The following RNLS variants were observed in gnomAD, a reference collection of about 807,000 sequenced individuals.
The protein encoded by RNLS is renalase.
A neutral mutation model predicts 39.8 loss-of-function variants in RNLS; 39 were observed. The ratio of observed to expected loss-of-function variants is 0.98; its 90% CI spans 0.76 to 1.28. The LOEUF is 1.28. RNLS is among the 50% of genes most tolerant of loss of function. The pLI is 0.00. For missense variants in RNLS, 410 were observed against 413.3 expected, an observed-to-expected ratio of 0.99 and a Z score of 0.07; for synonymous variants, 147 against 150.7, an observed-to-expected ratio of 0.98 and a Z score of 0.18.
chr10:88,215,641 A>G, the RNLS span, among the ~76,000 whole-genome samples: 2 of 149,662 alleles, frequency 1.3e-5, no homozygotes, highest in Admixed American at 1.3e-4. Flanking sequence ...TGCTCCTCAC[A>G]TTTAGACCAT....
At chr10:88,579,983 G>A (rs1850440183) in intron 3 of RNLS, among the ~76,000 whole-genome samples, 1 of 152,174 alleles carries the variant, frequency 6.6e-6, no homozygotes, top group Non-Finnish European at 1.5e-5. Context: ...AATTCTTCCT[G>A]CCTGAAAGCC....
intron 4 of RNLS, among the ~76,000 whole-genome samples, chr10:88,407,452 A>T (rs930929472): frequency 6.6e-6 from 1 of 152,010 alleles, no homozygotes; most frequent in African/African-American, 2.4e-5. Context: ...TTGATGTGAG[A>T]GGAGAAATTT....
chr10:88,363,177 T>C (rs1202559888), intron 4 of RNLS, among the ~76,000 whole-genome samples: 2 of 151,948 alleles, frequency 1.3e-5, no homozygotes, highest in East Asian at 3.9e-4. Flanking sequence ...TGATGCTCCA[T>C]CTGTTATGAC....
At chr10:88,280,775 G>A (rs1207892556), downstream of RNLS, among the ~76,000 whole-genome samples, 1 of 152,158 alleles carries the variant, frequency 6.6e-6, no homozygotes, top group Non-Finnish European at 1.5e-5. Flanking sequence ...CATATGCATA[G>A]TTGTCTTTGT....
chr10:88,418,159 A>T (rs1854154451), intron 4 of RNLS, among the ~76,000 whole-genome samples: 1 of 151,288 alleles, frequency 6.6e-6, no homozygotes, highest in South Asian at 2.1e-4. Context: ...GAAGCTAAAG[A>T]TTCAACAGAA....
chr10:88,358,590 G>A (rs994256907), intron 5 of RNLS, among the ~76,000 whole-genome samples: 2 of 152,154 alleles, frequency 1.3e-5, no homozygotes, highest in Admixed American at 6.5e-5. Context: ...TTTTCAAAGA[G>A]CAACTCAAGG....
At chr10:88,262,166 T>C in the RNLS span, among the ~76,000 whole-genome samples, 2 of 152,128 alleles carry the variant, frequency 1.3e-5, no homozygotes, top group African/African-American at 2.4e-5. Context: ...ACGCCTTGTA[T>C]ATCTATCTAT....
intron 4 of RNLS, among the ~76,000 whole-genome samples, chr10:88,447,679 A>C (rs1025459868): frequency 6.6e-6 from 1 of 152,224 alleles, no homozygotes; most frequent in Non-Finnish European, 1.5e-5. Context: ...ATATGGAACC[A>C]AAAAAGAGCC....
chr10:88,370,978 G>A (rs1307070812), intron 4 of RNLS, among the ~76,000 whole-genome samples: 1 of 152,148 alleles, frequency 6.6e-6, no homozygotes, highest in Non-Finnish European at 1.5e-5. Flanking sequence ...ATTGGTGACA[G>A]ACTTCAGCAG....
chr10:88,198,122 C>A, the RNLS span, among the ~76,000 whole-genome samples: 1 of 152,352 alleles, frequency 6.6e-6, no homozygotes, highest in East Asian at 1.9e-4. Flanking sequence ...AGGCCAGCAG[C>A]CCCACCCCAG....
At position 88,434,204 on chromosome 10, in the gene RNLS, C is replaced by T. The variant is rs180682632; in HGVS notation, c.527-71479G>A. ...GGGCTAATTCTTTGATGTATGCTTG[C>T]ATGAAACATCAATGCACTAGTCGAT... On this transcript the variant is annotated intron_variant, in intron 4 of 6. Coordinates refer to ENST00000331772, the MANE Select transcript of RNLS (RefSeq NM_001031709.3). Among the ~76,000 whole-genome samples, 7 of 152,284 alleles carry T rather than the reference C, an allele frequency of 4.6e-5. No individual in the cohort carries two copies. The East Asian group carries it at 1.3e-3, about 29-fold the overall frequency.
chr10:88,511,978 T>C (rs974869984), intron 4 of RNLS, among the ~76,000 whole-genome samples: 6 of 152,176 alleles, frequency 3.9e-5, no homozygotes, highest in Non-Finnish European at 8.8e-5. Context: ...ATTGTGGATA[T>C]TTAAGTTGTT....
intron 4 of RNLS, among the ~76,000 whole-genome samples, chr10:88,373,496 C>A (rs1029613497): frequency 7.2e-5 from 11 of 152,128 alleles, no homozygotes; most frequent in African/African-American, 2.7e-4. Flanking sequence ...TGGAAGCCTA[C>A]AGCATTTTAT....
At position 88,469,020 on chromosome 10, in the gene RNLS, A is replaced by G. The variant is rs149930057; in HGVS notation, c.526+103883T>C. Among the ~76,000 whole-genome samples, 6 of 152,306 alleles carry G rather than the reference A, an allele frequency of 3.9e-5. No individual in the cohort carries two copies. In the East Asian group the frequency reaches 7.7e-4, roughly 20 times the overall value. ...GAATATTTAATGTCAGGGAAAATAAATGTTCATGATACATTAAAAAATGTG... is the reference window on the plus strand; with the variant it reads ...GAATATTTAATGTCAGGGAAAATAAGTGTTCATGATACATTAAAAAATGTG... On this transcript the variant is annotated intron_variant, in intron 4 of 6. Transcript: ENST00000331772.
chr10:88,323,320 A>T (rs945962945), intron 5 of RNLS, among the ~76,000 whole-genome samples: 3 of 152,176 alleles, frequency 2.0e-5, no homozygotes. Context: ...CAAAGAGAAC[A>T]AGGCTGGAGG....
the RNLS span, among the ~76,000 whole-genome samples, chr10:88,268,481 G>T: frequency 5.3e-5 from 8 of 152,030 alleles, no homozygotes; most frequent in Non-Finnish European, 7.4e-5. Flanking sequence ...AGGTGGCTGT[G>T]GGGGGGTTGA....
At chr10:88,345,876 T>G (rs1383166555) in intron 5 of RNLS, among the ~76,000 whole-genome samples, 4 of 151,958 alleles carry the variant, frequency 2.6e-5, no homozygotes, top group Non-Finnish European at 4.4e-5. Flanking sequence ...TAATTCTAAG[T>G]GCTGAGTTAC....
At chr10:88,545,536 A>G in intron 4 of RNLS, 1 of 446,930 alleles carries the variant, frequency 2.2e-6, no homozygotes, top group Non-Finnish European at 4.5e-6. Context: ...CACTATCACA[A>G]GTACAGCACG....
At chr10:88,321,665 A>G (rs1846191561) in intron 5 of RNLS, among the ~76,000 whole-genome samples, 2 of 152,178 alleles carry the variant, frequency 1.3e-5, no homozygotes, top group Admixed American at 6.5e-5. Flanking sequence ...GCTATTATGA[A>G]TATCTCTATG....
Sources: allele counts gnomAD v4.1 joint callset (sites outside exome capture counted in the v4.1 genomes callset), GRCh38; gene constraint gnomAD v4.1.1; transcripts MANE v1.5; gene names NCBI Gene and HGNC (gene_info 2026-07-23, HGNC 2026-07-21).